The following FANK1 variants were observed in gnomAD, a reference collection of about 807,000 sequenced individuals.
FANK1 encodes fibronectin type 3 and ankyrin repeat domains protein 1.
FANK1 carries 44 observed loss-of-function variants against 45.3 expected under a neutral mutation model. The observed-to-expected ratio is 0.97, with a 90% CI of 0.76 to 1.25. FANK1 has a LOEUF of 1.25. FANK1 is among the 50% of genes most tolerant of loss of function. FANK1 has a pLI of 0.00. For missense variants in FANK1, 391 were observed against 424.4 expected, an observed-to-expected ratio of 0.92 and a Z score of 0.69; for synonymous variants, 149 against 152.5, an observed-to-expected ratio of 0.98 and a Z score of 0.17.
At chr10:125,995,771 T>C (rs1952283831) in intron 4 of FANK1, among the ~76,000 whole-genome samples, 1 of 152,244 alleles carries the variant, frequency 6.6e-6, no homozygotes, top group African/African-American at 2.4e-5. Flanking sequence ...AAATAATTTC[T>C]GTCTCTTGCT....
intron 10 of FANK1, 27 bp from the exon 11 acceptor site, chr10:126,009,346 A>G (rs201532516): frequency 2.2e-5 from 35 of 1,613,970 alleles, no homozygotes; most frequent in Non-Finnish European, 2.9e-5. Flanking sequence ...CCTGGATTAC[A>G]TTCGCCTGTC....
At chr10:125,995,134 C>A (rs1952229265) in intron 3 of FANK1, among the ~76,000 whole-genome samples, 1 of 151,596 alleles carries the variant, frequency 6.6e-6, no homozygotes, top group Non-Finnish European at 1.5e-5. Flanking sequence ...CTTATGAAAT[C>A]TGAAAGGATT....
rs761761415 is a variant in FANK1 at position 125,980,218 on chromosome 10, G to T, written c.71G>T (p.Ser24Ile). The part of the protein sequence containing the change: ...PPVVGKVTHH[S>I]IELYWDLEKK... ...GTCGTGGGCAAAGTGACTCATCACA[G>T]CATTGAATTATACTGGGATCTGGAA... The change falls in exon 2 of 11, where the codon AGC becomes ATC. Residue 24 changes from serine to isoleucine, a missense_variant. By Grantham distance (142) the Ser-to-Ile change is moderately radical. Coordinates refer to ENST00000368693, the MANE Select transcript of FANK1 (RefSeq NM_145235.5). 2.2e-5 allele frequency: 35 copies of T among 1,614,100 alleles called. No individual in the cohort carries two copies. The Middle Eastern group carries it at 5.3e-3, about 243-fold the overall frequency.
At chr10:125,931,179 A>G (rs747066500) in intron 1 of FANK1, among the ~76,000 whole-genome samples, 4 of 152,220 alleles carry the variant, frequency 2.6e-5, no homozygotes, top group South Asian at 2.1e-4. Flanking sequence ...ATAAACATGC[A>G]TGTGCAAGTA....
chr10:125,945,994 G>A (rs1311528049), intron 1 of FANK1, among the ~76,000 whole-genome samples: 1 of 152,166 alleles, frequency 6.6e-6, no homozygotes, highest in African/African-American at 2.4e-5. Context: ...CGCAGCAGGG[G>A]CACACTGACA....
chr10:125,962,801 T>G (rs992812964), intron 1 of FANK1, among the ~76,000 whole-genome samples: 1 of 152,072 alleles, frequency 6.6e-6, no homozygotes, highest in South Asian at 2.1e-4. Flanking sequence ...TTTCGTTTCC[T>G]TGCATATTGG....
At chr10:125,987,632 A>T (rs1951654021) in intron 2 of FANK1, among the ~76,000 whole-genome samples, 1 of 152,190 alleles carries the variant, frequency 6.6e-6, no homozygotes, top group African/African-American at 2.4e-5. Flanking sequence ...GTTTAGTCGG[A>T]TAAGAAGAAA....
chr10:125,925,495 G>T (rs75636529), intron 1 of FANK1, among the ~76,000 whole-genome samples: 25 of 152,180 alleles, frequency 1.6e-4, no homozygotes, highest in African/African-American at 5.8e-4. Context: ...CTGCTGCCTT[G>T]AACTCCTGGG....
intron 1 of FANK1, among the ~76,000 whole-genome samples, chr10:125,940,828 G>A (rs1387648489): frequency 1.3e-5 from 2 of 152,184 alleles, no homozygotes; most frequent in African/African-American, 4.8e-5. Context: ...GGAGAATGGC[G>A]ATGACTTTTA....
At chr10:125,988,835 C>A in intron 3 of FANK1, 160 bp downstream of exon 3, 1 of 1,105,802 alleles carries the variant, frequency 9.0e-7, no homozygotes, top group Non-Finnish European at 1.3e-6. Context: ...CTTGCCATAA[C>A]TTGTAATGTC....
At chr10:125,965,304 T>C (rs1223425972) in intron 1 of FANK1, among the ~76,000 whole-genome samples, 4 of 152,232 alleles carry the variant, frequency 2.6e-5, no homozygotes, top group South Asian at 2.1e-4. Flanking sequence ...AGCACATTTT[T>C]CTTAAGAGTG....
intron 7 of FANK1, among the ~76,000 whole-genome samples, chr10:126,005,999 A>C (rs1043146567): frequency 6.6e-5 from 10 of 152,264 alleles, no homozygotes; most frequent in Admixed American, 6.5e-4. Flanking sequence ...AATTAGAATT[A>C]GATCAATTAT....
rs530420787 is a variant in FANK1 at position 125,924,788 on chromosome 10, C to T, written c.13+28133C>T. Reference sequence around the variant, plus strand: ...TGCTACTGCACTCCAGCCTGGGTGACAGAGTGAGACCCCATCTCAAAAAAA... The same window carrying T: ...TGCTACTGCACTCCAGCCTGGGTGATAGAGTGAGACCCCATCTCAAAAAAA... On this transcript the variant is annotated intron_variant, in intron 1 of 10. Coordinates refer to ENST00000368693, the MANE Select transcript of FANK1 (RefSeq NM_145235.5). Among the ~76,000 whole-genome samples the T allele has an allele frequency of 3.4e-3, 428 of 124,208 alleles. 1 individual carries two copies. The highest frequency in any genetic ancestry group is 0.013 in the African/African-American group (408 of 31,258). The allele number at this position is 124,208 out of a possible 152,430, so 81.5% of individuals were successfully genotyped here. A position where few individuals can be genotyped will look rare whatever the true frequency, so the allele number is the denominator to read the frequency against.
intron 1 of FANK1, among the ~76,000 whole-genome samples, chr10:125,931,012 C>T (rs1947717836): frequency 6.6e-6 from 1 of 152,196 alleles, no homozygotes; most frequent in African/African-American, 2.4e-5. Context: ...TAATAGTCTC[C>T]AATCTCATCC....
intron 1 of FANK1, among the ~76,000 whole-genome samples, chr10:125,937,064 C>G (rs571816801): frequency 6.6e-6 from 1 of 151,228 alleles, no homozygotes; most frequent in Non-Finnish European, 1.5e-5. Flanking sequence ...AGCCAAACTC[C>G]GTCTCAAAAA....
At chr10:125,952,824 C>T (rs940456409) in intron 1 of FANK1, among the ~76,000 whole-genome samples, 2 of 142,962 alleles carry the variant, frequency 1.4e-5, no homozygotes, top group Non-Finnish European at 3.0e-5. Flanking sequence ...CACACACACA[C>T]ACACACACAC....
At chr10:125,903,170 T>C (rs551086659) in intron 1 of FANK1, among the ~76,000 whole-genome samples, 1 of 152,412 alleles carries the variant, frequency 6.6e-6, no homozygotes, top group African/African-American at 2.4e-5. Context: ...TACTTCTTGA[T>C]GGGAGAAGGA....
At position 125,988,636 on chromosome 10, in the gene FANK1, G is replaced by A. The variant is rs1483826758; in HGVS notation, c.277G>A (p.Glu93Lys). 1 of 1,614,180 alleles carries A rather than the reference G, an allele frequency of 6.2e-7. No individual in the cohort carries two copies. The change falls in exon 3 of 11, where the codon GAG becomes AAG. Residue 93 changes from glutamate (E) to lysine (K), a missense_variant. Physicochemically the swap from Glu to Lys is moderately conservative, Grantham distance 56. Coordinates refer to ENST00000368693, the MANE Select transcript of FANK1 (RefSeq NM_145235.5). The part of the protein sequence containing the change: ...FRLKVTSPSG[E>K]CEYSPLVSVS... ...CCTGAAGGTCACCAGCCCCTCTGGG[G>A]AGTGTGAGTACAGCCCACTCGTCTC...
chr10:125,957,428 C>T (rs1949649836), intron 1 of FANK1, among the ~76,000 whole-genome samples: 1 of 136,268 alleles, frequency 7.3e-6, no homozygotes. Context: ...TGTATGGTTT[C>T]TCTTCTGCCT....
Sources: gnomAD v4.1 joint callset for allele counts (sites outside exome capture counted in the v4.1 genomes callset) on GRCh38, gnomAD v4.1.1 for gene constraint, MANE v1.5 for transcripts, NCBI Gene and HGNC (gene_info 2026-07-23, HGNC 2026-07-21) for gene names.